Variants in PLEKHM1 observed in about 807,000 individuals in gnomAD.
PLEKHM1 encodes pleckstrin homology domain-containing family M member 1.
Under a neutral mutation model 94.3 loss-of-function variants are expected in PLEKHM1, and 28 were observed. The observed-to-expected ratio is 0.30, with a 90% CI of 0.22 to 0.41. PLEKHM1 has a LOEUF of 0.41. Among genes scored for constraint, PLEKHM1 ranks in the 10% least tolerant of loss-of-function variants. The probability of loss-of-function intolerance (pLI) is 1.00; values close to 1 mark genes in which losing one functional copy is unlikely to be tolerated. For synonymous variants in PLEKHM1, 424 were observed against 581.2 expected, an observed-to-expected ratio of 0.73 and a Z score of 3.89; for missense variants, 907 against 1,358.6, an observed-to-expected ratio of 0.67 and a Z score of 5.22.
At position 45,438,040 on chromosome 17, in the gene PLEKHM1, C is replaced by T. The variant is rs2050323905; in HGVS notation, c.3060-71G>A. 4.3e-6 allele frequency: 5 copies of T among 1,164,658 alleles called. No individual in the cohort carries two copies. In the Admixed American group the frequency reaches 5.2e-5, roughly 12 times the overall value. 72.1% of individuals were successfully genotyped at this position (1,164,658 alleles called of 1,614,324 possible). A position where few individuals can be genotyped will look rare whatever the true frequency, so the allele number is the denominator to read the frequency against. On this transcript the variant is annotated intron_variant, in intron 11 of 11. Transcript: ENST00000430334. Reference sequence around the variant, plus strand: ...TTGCCCTGTGGCCACGCTGGCCAGCCCTTTTGACCAGAACCCACGATACGG... The same window carrying T: ...TTGCCCTGTGGCCACGCTGGCCAGCTCTTTTGACCAGAACCCACGATACGG...
At chr17:45,472,816 G>A (rs949123924) in intron 4 of PLEKHM1, among the ~76,000 whole-genome samples, 4 of 152,200 alleles carry the variant, frequency 2.6e-5, no homozygotes, top group East Asian at 1.9e-4. Context: ...AGCCCAGTCC[G>A]TAACACCACC....
intron 4 of PLEKHM1, among the ~76,000 whole-genome samples, chr17:45,473,854 A>G (rs2051606730): frequency 6.6e-6 from 1 of 151,980 alleles, no homozygotes; most frequent in Non-Finnish European, 1.5e-5. Flanking sequence ...CACTGCGCCC[A>G]GCTGAAAATC....
rs760833492 is a variant in PLEKHM1 at position 45,454,252 on chromosome 17, C to A, written c.1600G>T (p.Gly534Cys). ...RQMGLSNPFR[G>C]LMKLGTVERR... ...TCCACGGTGCCCAGCTTCATGAGAC[C>A]CCGGAATGGGTTGGACAGTCCTGGA... The change falls in exon 7 of 12, where the codon GGT (glycine) becomes TGT (cysteine). Residue 534 changes from glycine (G) to cysteine (C), a missense_variant. Physicochemically the swap from Gly to Cys is radical, Grantham distance 159. Around this residue, in one of 3 missense-constraint regions of PLEKHM1, gnomAD observed 477 missense variants for 601.5 expected, o/e 0.79. Coordinates refer to ENST00000430334, the MANE Select transcript of PLEKHM1 (RefSeq NM_014798.3). The A allele has an allele frequency of 1.2e-6, 2 of 1,608,594 alleles. No homozygotes were observed. The highest frequency in any genetic ancestry group is 2.2e-5 in the South Asian group (2 of 90,362).
chr17:45,445,071 A>C lies in PLEKHM1; in HGVS notation c.2837+399T>G, dbSNP rs71373565. Among the ~76,000 whole-genome samples, 90 of 152,350 alleles carry C rather than the reference A, an allele frequency of 5.9e-4. No homozygotes were observed. The highest frequency in any genetic ancestry group is 2.1e-3 in the African/African-American group (88 of 41,588). ...TGTCCTGCTCATTGTTGGAGCCTAC[A>C]TGCCTCGCCAGGTGTGCAGTGCTTA... On this transcript the variant is annotated intron_variant, in intron 9 of 11. Coordinates refer to ENST00000430334, the MANE Select transcript of PLEKHM1 (RefSeq NM_014798.3). The surrounding 1 kb of genome is among the most constrained non-coding windows in gnomAD (Gnocchi z 4.2).
chr17:45,439,334 C>A, intron 11 of PLEKHM1, 143 bp downstream of exon 11: 2 of 927,724 alleles, frequency 2.2e-6, no homozygotes, highest in South Asian at 3.0e-5. Context: ...CCAACAACTG[C>A]ACCACCCCTT....
intron 7 of PLEKHM1, chr17:45,452,990 A>G (rs1030199730): frequency 4.4e-6 from 2 of 450,430 alleles, no homozygotes; most frequent in African/African-American, 4.0e-5. Flanking sequence ...TTATAAAAGC[A>G]GCAGAAATAT....
chr17:45,438,024 G>A (rs2050323025), intron 11 of PLEKHM1, 55 bp from the exon 12 acceptor site: 19 of 1,320,668 alleles, frequency 1.4e-5, no homozygotes, highest in Non-Finnish European at 1.8e-5. Context: ...GTTGCCCTGT[G>A]GCCACGCTGG....
intron 6 of PLEKHM1, among the ~76,000 whole-genome samples, chr17:45,456,993 C>T (rs1235775352): frequency 6.6e-6 from 1 of 151,668 alleles, no homozygotes; most frequent in Non-Finnish European, 1.5e-5. Flanking sequence ...CCAGTGTGGC[C>T]AACATGGCAA....
At chr17:45,441,885 G>C (rs2050458712) in intron 9 of PLEKHM1, among the ~76,000 whole-genome samples, 1 of 152,190 alleles carries the variant, frequency 6.6e-6, no homozygotes, top group Non-Finnish European at 1.5e-5. Context: ...GGCTCTCCGG[G>C]AGAGAAGAAG....
At chr17:45,472,254 G>A (rs1341855224) in intron 4 of PLEKHM1, among the ~76,000 whole-genome samples, 1 of 152,184 alleles carries the variant, frequency 6.6e-6, no homozygotes, top group Non-Finnish European at 1.5e-5. Context: ...CCAGCTCTAT[G>A]AATGCTGGTG....
intron 1 of PLEKHM1, among the ~76,000 whole-genome samples, chr17:45,490,160 G>A (rs2052265123): frequency 6.6e-6 from 1 of 151,954 alleles, no homozygotes. Context: ...TGTTTGGGAT[G>A]AGCAGATCTT....
intron 4 of PLEKHM1, among the ~76,000 whole-genome samples, chr17:45,469,692 T>G (rs1245657327): frequency 6.6e-6 from 1 of 152,198 alleles, no homozygotes; most frequent in Non-Finnish European, 1.5e-5. Flanking sequence ...CCTGATTGTC[T>G]TTCCAGTGAG....
chr17:45,488,404 A>C (rs1465050943), intron 1 of PLEKHM1, among the ~76,000 whole-genome samples: 2 of 152,216 alleles, frequency 1.3e-5, no homozygotes, highest in Non-Finnish European at 2.9e-5. Flanking sequence ...GATTAATAAA[A>C]TAAAAACAAG....
chr17:45,479,641 G>A (rs1378369296), intron 2 of PLEKHM1, among the ~76,000 whole-genome samples: 3 of 152,012 alleles, frequency 2.0e-5, no homozygotes, highest in East Asian at 3.9e-4. Context: ...AGCCAAAATC[G>A]TGCCACTGCA....
rs1425417559 is a variant in PLEKHM1, at chr17:45,475,354, A to C, written c.669T>G (p.Ile223Met). Residue 223 changes from isoleucine to methionine, a missense_variant, in exon 4 of 12, where the codon ATT becomes ATG. By Grantham distance (10) the Ile-to-Met change is conservative (BLOSUM62 1). Coordinates refer to ENST00000430334, the MANE Select transcript of PLEKHM1 (RefSeq NM_014798.3). ...TGTCTTCAGAGCCTGAAGAATGGGA[A>C]ATGGAATCCAGAGATTCCTTCCGCT... ...ELQRKESLDS[I>M]SHSSGSEDIE... The C allele has an allele frequency of 6.2e-7, 1 of 1,613,956 alleles. No individual in the cohort carries two copies. Among genetic ancestry groups the C allele is most frequent in the Admixed American group, 1.7e-5 (1 of 60,002 alleles).
rs2051675478 is a variant in PLEKHM1, at chr17:45,475,186, C to A, written c.837G>T (p.Lys279Asn). ...TGGGCTCCTCGCAATGGTCTGGACT[C>A]TTGGAGCCATTCTCTTGGAGTAAGC... Reference protein sequence around the residue: ...DSCLLQENGSKSPDHCEEPMS... With the variant: ...DSCLLQENGSNSPDHCEEPMS... The change falls in exon 4 of 12, where the codon AAG becomes AAT. Residue 279 changes from lysine to asparagine, a missense_variant. This residue lies in a region of PLEKHM1 where 477 missense variants were observed against 601.5 expected (regional missense o/e 0.79). Transcript: ENST00000430334. 1 of 1,613,850 alleles carries A rather than the reference C, an allele frequency of 6.2e-7. No homozygotes were observed. Among genetic ancestry groups the A allele is most frequent in the Admixed American group, 1.7e-5 (1 of 59,996 alleles).
intron 1 of PLEKHM1, among the ~76,000 whole-genome samples, chr17:45,486,993 C>T (rs1319276655): frequency 1.3e-5 from 2 of 152,160 alleles, no homozygotes; most frequent in African/African-American, 4.8e-5. Flanking sequence ...CCTCAAAACG[C>T]TCTTCATTGA....
At chr17:45,486,235 T>TA (rs199879545) in intron 1 of PLEKHM1, among the ~76,000 whole-genome samples, 13 of 136,916 alleles carry the variant, frequency 9.5e-5, no homozygotes, top group African/African-American at 2.8e-4. Flanking sequence ...AAAGATAAAA[T>TA]AAAAAAATAA....
chr17:45,445,077 C>T lies in PLEKHM1; in HGVS notation c.2837+393G>A, dbSNP rs906079575. ...GCTCATTGTTGGAGCCTACATGCCT[C>T]GCCAGGTGTGCAGTGCTTAGTATGT... On this transcript the variant is annotated intron_variant, in intron 9 of 11. Coordinates refer to ENST00000430334, the MANE Select transcript of PLEKHM1 (RefSeq NM_014798.3). The surrounding 1 kb of genome is among the most constrained non-coding windows in gnomAD (Gnocchi z 4.2). Among the ~76,000 whole-genome samples the T allele has an allele frequency of 5.3e-5, 8 of 152,366 alleles. No individual in the cohort carries two copies. The highest frequency in any genetic ancestry group is 4.6e-4 in the Admixed American group (7 of 15,310).
Sources: allele counts gnomAD v4.1 joint callset (sites outside exome capture counted in the v4.1 genomes callset), GRCh38; gene constraint gnomAD v4.1.1; regional missense constraint gnomAD v4.1.1; non-coding constraint Gnocchi (gnomAD v3.1); transcripts MANE v1.5; gene names NCBI Gene and HGNC (gene_info 2026-07-23, HGNC 2026-07-21).